ACSL1: variants seen among roughly 807,000 people sequenced by gnomAD.
ACSL1 encodes the protein acyl-CoA synthetase long chain family member 1, also known as long-chain-fatty-acid--CoA ligase 1.
A neutral mutation model predicts 98.4 loss-of-function variants in ACSL1; 41 were observed. The observed-to-expected ratio is 0.42, with a 90% CI of 0.32 to 0.54. ACSL1 has a LOEUF of 0.54. Ranked by LOEUF, ACSL1 falls within the 20% of genes least tolerant of loss-of-function variation. The pLI is 0.13. For synonymous variants in ACSL1, 316 were observed against 322.7 expected (o/e 0.98, Z 0.22); for missense variants, 734 against 883.1 (o/e 0.83, Z 2.14).
chr4:184,759,687 G>A (rs1358543069), intron 18 of ACSL1, among the ~76,000 whole-genome samples: 1 of 152,246 alleles, frequency 6.6e-6, no homozygotes, highest in African/African-American at 2.4e-5. Context: ...GGAAACAACA[G>A]GTGCTGGAGA....
intron 2 of ACSL1, among the ~76,000 whole-genome samples, chr4:184,791,772 C>T (rs1029529003): frequency 2.0e-5 from 3 of 152,076 alleles, no homozygotes; most frequent in Admixed American, 6.6e-5. Context: ...AGGCACTGGG[C>T]GTGCTGCAGC....
At chr4:184,822,791 C>T (rs1773167595) in intron 1 of ACSL1, among the ~76,000 whole-genome samples, 1 of 151,908 alleles carries the variant, frequency 6.6e-6, no homozygotes, top group Non-Finnish European at 1.5e-5. Context: ...AGAAAATGAA[C>T]ATAACTCAGA....
rs959313071 is a variant in ACSL1, at chr4:184,756,953, G to A, written c.*172C>T. On this transcript the variant is annotated 3_prime_UTR_variant, in exon 21 of 21. Transcript: ENST00000281455. ...GGTCTGCAACATGAGGTGACTGTAA[G>A]GCAGTGTTCTCTTTCCTCTAGCATT... The A allele has an allele frequency of 8.1e-6, 6 of 737,576 alleles. No homozygotes were observed. The highest frequency in any genetic ancestry group is 5.3e-5 in the Admixed American group (2 of 37,698). The allele number at this position is 737,576 out of a possible 1,614,324, so 45.7% of individuals were successfully genotyped here. A position where few individuals can be genotyped will look rare whatever the true frequency, so the allele number is the denominator to read the frequency against.
rs576800053 is a variant in ACSL1, at chr4:184,797,768, A to G, written c.195+5552T>C. ...GCCAAGGACAAGGGGTCCGAGCGGT[A>G]CTTCCTGCTGGCCTGGAGCTCCCTG... On this transcript the variant is annotated intron_variant, in intron 2 of 20. Coordinates refer to ENST00000281455, the MANE Select transcript of ACSL1 (RefSeq NM_001995.5). Among the ~76,000 whole-genome samples the G allele has an allele frequency of 9.2e-4, 140 of 152,332 alleles. 1 individual carries two copies. Among genetic ancestry groups the G allele is most frequent in the African/African-American group, 3.2e-3 (132 of 41,574 alleles).
Position 184,763,165 on chromosome 4 carries a change from A to ACCTCGC in ACSL1, c.1517_1521+1dup, listed in dbSNP as rs1232478070. The ACCTCGC allele has an allele frequency of 3.7e-6, 6 of 1,612,872 alleles. No individual in the cohort carries two copies. Among genetic ancestry groups the ACCTCGC allele is most frequent in the East Asian group, 4.5e-5 (2 of 44,872 alleles). ...GGAAAATGACTGACGGTTTTCACTC[A>ACCTCGC]CCTCGCCCTCGCCCTCGGCAGCCAT... is the stretch of plus-strand genomic sequence containing the variant. On this transcript the variant is annotated splice_donor_variant, in intron 16 of 20. Transcript: ENST00000281455. LOFTEE classifies it high-confidence loss of function.
intron 2 of ACSL1, chr4:184,798,546 C>A: frequency 5.4e-6 from 1 of 183,662 alleles, no homozygotes. Context: ...ATGCCACTTG[C>A]ATGGGGCTCA....
At chr4:184,820,525 G>A (rs749415307) in intron 1 of ACSL1, among the ~76,000 whole-genome samples, 3 of 152,208 alleles carry the variant, frequency 2.0e-5, no homozygotes, top group Non-Finnish European at 4.4e-5. Context: ...TGAGATGGGG[G>A]TAAAATCAAG....
intron 1 of ACSL1, among the ~76,000 whole-genome samples, chr4:184,819,301 C>A (rs1772876579): frequency 6.6e-6 from 1 of 151,974 alleles, no homozygotes; most frequent in Non-Finnish European, 1.5e-5. Flanking sequence ...TGCCACCACA[C>A]CTGGCTAATT....
Position 184,817,344 on chromosome 4 carries a change from T to C in ACSL1, c.-33+8572A>G, listed in dbSNP as rs553184530. 2.6e-5 allele frequency among the ~76,000 whole-genome samples: 4 copies of C among 152,274 alleles called. No homozygotes were observed. In the East Asian group the frequency reaches 7.7e-4, roughly 29 times the overall value. ...ATTAAATGCTTTTATCTATAAACCATATACAAGTATTTTCTGACCATTAGA... is the reference window on the plus strand; with the variant it reads ...ATTAAATGCTTTTATCTATAAACCACATACAAGTATTTTCTGACCATTAGA... On this transcript the variant is annotated intron_variant, in intron 1 of 20. Transcript: ENST00000281455.
At chr4:184,819,169 G>T (rs28562837) in intron 1 of ACSL1, among the ~76,000 whole-genome samples, 2,511 of 146,120 alleles carry the variant, frequency 0.017, 90 homozygotes, top group African/African-American at 0.059. Flanking sequence ...TGGAGACAGA[G>T]CCTCACTCTA....
chr4:184,763,685 G>C (rs1763178539), intron 15 of ACSL1, among the ~76,000 whole-genome samples: 2 of 152,110 alleles, frequency 1.3e-5, no homozygotes, highest in Non-Finnish European at 2.9e-5. Context: ...GCACCACCTG[G>C]TTCTGATCAA....
In ACSL1 at chr4:184,803,656, A is replaced by G. The variant is rs1028068280; in HGVS notation, c.-32-110T>C. On this transcript the variant is annotated intron_variant, in intron 1 of 20. Coordinates refer to ENST00000281455, the MANE Select transcript of ACSL1 (RefSeq NM_001995.5). This position sits in a 1 kb window ranked among gnomAD's most constrained non-coding sequence, Gnocchi z 4.8. ...AATTGGGTAGCTGCTCGGCCAGTCC[A>G]GGCATTAAACCCACAATCTAATGAT... 4.8e-6 allele frequency: 3 copies of G among 625,572 alleles called. No homozygotes were observed. Among genetic ancestry groups the G allele is most frequent in the East Asian group, 3.3e-5 (1 of 30,268 alleles). The allele number at this position is 625,572 out of a possible 1,614,324, so 38.8% of individuals were successfully genotyped here. A position where few individuals can be genotyped will look rare whatever the true frequency, so the allele number is the denominator to read the frequency against.
At position 184,768,401 on chromosome 4, in the gene ACSL1, A is replaced by T; in HGVS notation, c.1043T>A (p.Ile348Asn). 1 of 1,613,942 alleles carries T rather than the reference A, an allele frequency of 6.2e-7. No homozygotes were observed. Among genetic ancestry groups the T allele is most frequent in the Non-Finnish European group, 8.5e-7 (1 of 1,179,972 alleles). The change falls in exon 12 of 21, where the codon ATC becomes AAC. Residue 348 changes from isoleucine (I) to asparagine (N), a missense_variant. Ile to Asn is a moderately radical substitution (Grantham distance 149, BLOSUM62 -3). Transcript: ENST00000281455. Reference protein sequence around the residue: ...GAKIGFFQGDIRLLMDDLKVL... With the variant: ...GAKIGFFQGDNRLLMDDLKVL... ...CTTGAGGTCATCCATGAGCAGCCTG[A>T]TATCTCCTTGGAAAAATCCGATTTT...
intron 3 of ACSL1, among the ~76,000 whole-genome samples, chr4:184,785,000 G>T (rs917678387): frequency 2.0e-5 from 3 of 152,130 alleles, no homozygotes; most frequent in Non-Finnish European, 4.4e-5. Flanking sequence ...GAAATGATGC[G>T]ATTTTATTCC....
intron 1 of ACSL1, chr4:184,813,739 T>C (rs1307071687): frequency 2.4e-6 from 1 of 424,146 alleles, no homozygotes; most frequent in East Asian, 7.3e-5. Context: ...AAGTAAGCCC[T>C]GAAGCAAGAG....
chr4:184,809,636 C>CA (rs72117271), intron 1 of ACSL1, among the ~76,000 whole-genome samples: 18,473 of 148,590 alleles, frequency 0.12, 2,334 homozygotes, highest in African/African-American at 0.32. Flanking sequence ...ACTAAAAATA[C>CA]AAAAAAAAAA....
At chr4:184,815,021 G>T in intron 1 of ACSL1, 1 of 456,252 alleles carries the variant, frequency 2.2e-6, no homozygotes, top group South Asian at 1.5e-5. Flanking sequence ...CCTTCAGCAA[G>T]TTTAGGATAT....
At chr4:184,815,224 G>A (rs1421415720) in intron 1 of ACSL1, 3 of 381,958 alleles carry the variant, frequency 7.9e-6, no homozygotes, top group African/African-American at 2.1e-5. Context: ...GGCAGAGACA[G>A]GAGTGGGTGG....
intron 1 of ACSL1, among the ~76,000 whole-genome samples, chr4:184,811,175 C>T (rs1348153253): frequency 6.6e-6 from 1 of 151,378 alleles, no homozygotes; most frequent in South Asian, 2.1e-4. Flanking sequence ...GTGGTGTGAT[C>T]TCGGCTCACT....
Sources: allele counts gnomAD v4.1 joint callset (sites outside exome capture counted in the v4.1 genomes callset), GRCh38; gene constraint gnomAD v4.1.1; non-coding constraint Gnocchi (gnomAD v3.1); transcripts MANE v1.5; gene names NCBI Gene and HGNC (gene_info 2026-07-23, HGNC 2026-07-21).